Variants in PDZRN3 observed in about 807,000 individuals in gnomAD.
The protein encoded by PDZRN3 is E3 ubiquitin-protein ligase PDZRN3.
In PDZRN3, 38 loss-of-function variants were observed where a neutral mutation model predicts 85.7. That is an observed-to-expected ratio of 0.44 (90% CI 0.34 to 0.58). PDZRN3 has a LOEUF of 0.58. Ranked by LOEUF, PDZRN3 falls within the 20% of genes least tolerant of loss-of-function variation. PDZRN3 has a pLI of 0.01. For missense variants in PDZRN3, 1,629 were observed against 1,506.4 expected, an observed-to-expected ratio of 1.08 and a Z score of -1.35; for synonymous variants, 759 against 638.0, an observed-to-expected ratio of 1.19 and a Z score of -2.86.
intron 3 of PDZRN3, among the ~76,000 whole-genome samples, chr3:73,537,695 C>T (rs1704820712): frequency 6.6e-6 from 1 of 152,126 alleles, no homozygotes; most frequent in African/African-American, 2.4e-5. Flanking sequence ...TCTCAGCTCA[C>T]TGCAGCCTCC....
intron 1 of PDZRN3, among the ~76,000 whole-genome samples, chr3:73,611,919 T>A (rs1702690388): frequency 6.6e-6 from 1 of 152,170 alleles, no homozygotes; most frequent in Non-Finnish European, 1.5e-5. Context: ...TAATTATCAT[T>A]CAGTTACATC....
chr3:73,621,289 A>G (rs1286482561), intron 1 of PDZRN3, among the ~76,000 whole-genome samples: 1 of 152,252 alleles, frequency 6.6e-6, no homozygotes, highest in Non-Finnish European at 1.5e-5. Context: ...AAGATAATTT[A>G]AAGAATGCCA....
At chr3:73,502,531 G>A (rs1274142130) in intron 3 of PDZRN3, among the ~76,000 whole-genome samples, 2 of 152,162 alleles carry the variant, frequency 1.3e-5, no homozygotes. Context: ...ATCTTTCTGA[G>A]TTTTCTTTTA....
intron 3 of PDZRN3, among the ~76,000 whole-genome samples, chr3:73,599,793 G>C (rs1702484381): frequency 2.0e-5 from 3 of 152,172 alleles, no homozygotes; most frequent in Admixed American, 2.0e-4. Flanking sequence ...CTTGTATCTG[G>C]CAGCATCTGC....
At chr3:73,508,043 C>T (rs970746055) in intron 3 of PDZRN3, among the ~76,000 whole-genome samples, 8 of 152,000 alleles carry the variant, frequency 5.3e-5, no homozygotes, top group Middle Eastern at 3.4e-3. Context: ...TGCAATGAGC[C>T]GAGATTGTGC....
At position 73,593,709 on chromosome 3, in the gene PDZRN3, TACACACACAC is replaced by T. The variant is rs57922621; in HGVS notation, c.918+8635_918+8644del. ...TTCTTACTGTTTACCGAAATAAATA[TACACACACAC>T]ACACACACACACACACACACACACA... On this transcript the variant is annotated intron_variant, in intron 3 of 9. Coordinates refer to ENST00000263666, the MANE Select transcript of PDZRN3 (RefSeq NM_015009.3). Among the ~76,000 whole-genome samples the T allele has an allele frequency of 1.9e-3, 267 of 141,890 alleles. 1 individual carries two copies. Among genetic ancestry groups the T allele is most frequent in the South Asian group, 5.6e-3 (24 of 4,312 alleles). The allele number at this position is 141,890 out of a possible 152,430, so 93.1% of individuals were successfully genotyped here. A position where few individuals can be genotyped will look rare whatever the true frequency, so the allele number is the denominator to read the frequency against.
chr3:73,522,126 G>A (rs901126592), intron 3 of PDZRN3, among the ~76,000 whole-genome samples: 7 of 152,042 alleles, frequency 4.6e-5, no homozygotes, highest in African/African-American at 1.7e-4. Context: ...TCTTGTCGAC[G>A]GCCGCTTTCA....
chr3:73,505,213 G>A (rs927897763), intron 3 of PDZRN3, among the ~76,000 whole-genome samples: 1 of 152,132 alleles, frequency 6.6e-6, no homozygotes, highest in African/African-American at 2.4e-5. Flanking sequence ...TTATGTAACT[G>A]GTTACCCACG....
At chr3:73,549,749 G>C (rs529124501) in intron 3 of PDZRN3, among the ~76,000 whole-genome samples, 19 of 152,156 alleles carry the variant, frequency 1.2e-4, no homozygotes, top group Non-Finnish European at 2.2e-4. Flanking sequence ...CTCTTTAGGG[G>C]ATCAAGTACC....
intron 3 of PDZRN3, among the ~76,000 whole-genome samples, chr3:73,526,411 C>G (rs1704525513): frequency 6.6e-6 from 1 of 152,168 alleles, no homozygotes; most frequent in African/African-American, 2.4e-5. Flanking sequence ...GAGCTGGAGA[C>G]TTCTGTTTTC....
At chr3:73,576,502 G>T (rs914371199) in intron 3 of PDZRN3, among the ~76,000 whole-genome samples, 1 of 151,912 alleles carries the variant, frequency 6.6e-6, no homozygotes, top group African/African-American at 2.4e-5. Context: ...TTTTCTTTCT[G>T]TATAAAAAAA....
intron 3 of PDZRN3, among the ~76,000 whole-genome samples, chr3:73,578,342 G>A (rs1257445044): frequency 1.3e-5 from 2 of 151,834 alleles, no homozygotes; most frequent in Non-Finnish European, 2.9e-5. Flanking sequence ...CTAATTTTTT[G>A]TATTTTTTTA....
intron 3 of PDZRN3, among the ~76,000 whole-genome samples, chr3:73,553,016 T>A (rs1441244357): frequency 6.6e-6 from 1 of 152,110 alleles, no homozygotes; most frequent in African/African-American, 2.4e-5. Flanking sequence ...CTAGTCCAGA[T>A]AATTGAAAGA....
At chr3:73,442,081 G>C (rs1469788164) in intron 3 of PDZRN3, among the ~76,000 whole-genome samples, 1 of 152,178 alleles carries the variant, frequency 6.6e-6, no homozygotes, top group Admixed American at 6.5e-5. Flanking sequence ...GCAGTGGTGG[G>C]CATTGTGGCT....
chr3:73,517,549 C>G (rs748074249), intron 3 of PDZRN3, among the ~76,000 whole-genome samples: 1 of 152,134 alleles, frequency 6.6e-6, no homozygotes, highest in Non-Finnish European at 1.5e-5. Flanking sequence ...CTTTAAAAGG[C>G]TGAATGAAAT....
intron 3 of PDZRN3, among the ~76,000 whole-genome samples, chr3:73,417,746 C>T (rs1702121669): frequency 6.6e-6 from 1 of 152,156 alleles, no homozygotes; most frequent in African/African-American, 2.4e-5. Flanking sequence ...TACTGAATTG[C>T]CAAAATATTC....
In PDZRN3 at chr3:73,617,316, T is replaced by G. The variant is rs553176095; in HGVS notation, c.723+6787A>C. On this transcript the variant is annotated intron_variant, in intron 1 of 9. Transcript: ENST00000263666. ...GCTCAGGTCCATCTGGTAGTTATTTTCTTTACAAGAGTAATCATTATGTTA... is the reference window on the plus strand; with the variant it reads ...GCTCAGGTCCATCTGGTAGTTATTTGCTTTACAAGAGTAATCATTATGTTA... Among the ~76,000 whole-genome samples the G allele has an allele frequency of 2.6e-5, 4 of 152,356 alleles. No homozygotes were observed. The East Asian group carries it at 7.7e-4, about 29-fold the overall frequency.
chr3:73,408,102 A>G (rs774068902), intron 3 of PDZRN3: 5 of 700,438 alleles, frequency 7.1e-6, no homozygotes, highest in East Asian at 2.7e-5. Flanking sequence ...TCAATCAAAT[A>G]CAGTTCAAAT....
In PDZRN3 at chr3:73,384,843, C is replaced by A. The variant is rs1701328237; in HGVS notation, c.1723G>T (p.Asp575Tyr). ...CTCTCGTCATTACGGGTGCTCTCGTCGGTCCGCCCCACACCGCTGTCCTTC... is the reference window on the plus strand; with the variant it reads ...CTCTCGTCATTACGGGTGCTCTCGTAGGTCCGCCCCACACCGCTGTCCTTC... ...HEKDSGVGRT[D>Y]ESTRNDESSE... Residue 575 changes from aspartate to tyrosine, a missense_variant, in exon 10 of 10, where the codon GAC becomes TAC. Coordinates refer to ENST00000263666, the MANE Select transcript of PDZRN3 (RefSeq NM_015009.3). The A allele has an allele frequency of 1.2e-6, 2 of 1,614,068 alleles. No individual in the cohort carries two copies. The highest frequency in any genetic ancestry group is 1.3e-5 in the African/African-American group (1 of 74,942).
Sources: allele counts gnomAD v4.1 joint callset (sites outside exome capture counted in the v4.1 genomes callset), GRCh38; gene constraint gnomAD v4.1.1; transcripts MANE v1.5; gene names NCBI Gene and HGNC (gene_info 2026-07-23, HGNC 2026-07-21).